Variants in PLCB1 observed in about 807,000 individuals in gnomAD.
PLCB1 encodes phospholipase C beta 1.
Under a neutral mutation model 161.8 loss-of-function variants are expected in PLCB1, and 46 were observed. The ratio of observed to expected loss-of-function variants is 0.28; its 90% CI spans 0.22 to 0.36. The LOEUF (loss-of-function observed/expected upper bound fraction) is 0.36, where lower values mean the gene tolerates loss of function less well. Ranked by LOEUF, PLCB1 falls within the 10% of genes least tolerant of loss-of-function variation. PLCB1 has a pLI of 1.00. For missense variants in PLCB1, 1,016 were observed against 1,472.5 expected (o/e 0.69, Z 5.07); for synonymous variants, 517 against 503.7 (o/e 1.03, Z -0.35).
At chr20:8,216,394 C>A (rs1979127466) in intron 2 of PLCB1, among the ~76,000 whole-genome samples, 1 of 152,104 alleles carries the variant, frequency 6.6e-6, no homozygotes, top group Non-Finnish European at 1.5e-5. Flanking sequence ...AAGCTAGAAA[C>A]AAACCTCAAT....
At chr20:8,346,147 A>G (rs1452338528) in intron 2 of PLCB1, among the ~76,000 whole-genome samples, 1 of 152,206 alleles carries the variant, frequency 6.6e-6, no homozygotes, top group Non-Finnish European at 1.5e-5. Context: ...GAAGATAGTA[A>G]AAGTATTCAG....
chr20:8,664,532 A>G (rs958156789), intron 9 of PLCB1, among the ~76,000 whole-genome samples: 8 of 152,276 alleles, frequency 5.3e-5, no homozygotes, highest in African/African-American at 1.9e-4. Flanking sequence ...CAACACCAAG[A>G]AATAGGCTGA....
chr20:8,690,957 A>G (rs1028680479), intron 10 of PLCB1, among the ~76,000 whole-genome samples: 8 of 152,188 alleles, frequency 5.3e-5, no homozygotes, highest in Admixed American at 5.2e-4. Context: ...TTCTCACAGT[A>G]TTACCTTGCC....
intron 9 of PLCB1, among the ~76,000 whole-genome samples, chr20:8,670,564 T>TAG (rs1989917642): frequency 6.6e-6 from 1 of 152,118 alleles, no homozygotes; most frequent in Admixed American, 6.5e-5. Context: ...GTTTTTGCAA[T>TAG]CAAGATGGAA....
intron 3 of PLCB1, among the ~76,000 whole-genome samples, chr20:8,428,244 A>G (rs1305023434): frequency 1.3e-5 from 2 of 151,594 alleles, no homozygotes; most frequent in Non-Finnish European, 2.9e-5. Flanking sequence ...TTTCTGTGAC[A>G]GAGTCTCACT....
chr20:8,767,139 G>T (rs1982360762), intron 26 of PLCB1, among the ~76,000 whole-genome samples: 1 of 152,112 alleles, frequency 6.6e-6, no homozygotes, highest in Non-Finnish European at 1.5e-5. Flanking sequence ...ATCTAGCCTA[G>T]ATCAGTGCAT....
At chr20:8,212,632 A>G (rs1256899293) in intron 2 of PLCB1, among the ~76,000 whole-genome samples, 1 of 152,134 alleles carries the variant, frequency 6.6e-6, no homozygotes. Context: ...GTAGGCATAC[A>G]AAACGCAAAA....
intron 3 of PLCB1, among the ~76,000 whole-genome samples, chr20:8,432,106 G>T (rs1980069735): frequency 6.6e-6 from 1 of 152,036 alleles, no homozygotes; most frequent in African/African-American, 2.4e-5. Context: ...TGAAGACAGG[G>T]GTCCTTATCA....
At chr20:8,392,730 GT>G (rs1238824586) in intron 3 of PLCB1, among the ~76,000 whole-genome samples, 3 of 152,158 alleles carry the variant, frequency 2.0e-5, no homozygotes, top group Non-Finnish European at 4.4e-5. Context: ...ATGTATACCA[GT>G]TTATTCTGAG....
chr20:8,662,148 TATA>T (rs1228977172), intron 9 of PLCB1, among the ~76,000 whole-genome samples: 13 of 41,448 alleles, frequency 3.1e-4, no homozygotes, highest in Non-Finnish European at 5.1e-4. Context: ...CTATATTAAA[TATA>T]ATTATTTATT....
At chr20:8,269,887 C>A (rs1295906819) in intron 2 of PLCB1, among the ~76,000 whole-genome samples, 2 of 150,710 alleles carry the variant, frequency 1.3e-5, no homozygotes, top group Non-Finnish European at 1.5e-5. Context: ...AAATGTAGAT[C>A]TTTTCCTTTA....
intron 4 of PLCB1, among the ~76,000 whole-genome samples, chr20:8,629,948 TTCTTTTCTTTCTTTC>T (rs1319622730): frequency 7.3e-6 from 1 of 136,282 alleles, no homozygotes; most frequent in African/African-American, 3.1e-5. Flanking sequence ...CTTTCTCTCT[TTCTTTTCTTTCTTTC>T]TTCTTTCTTT....
chr20:8,334,239 A>G (rs1985481691), intron 2 of PLCB1, among the ~76,000 whole-genome samples: 1 of 152,118 alleles, frequency 6.6e-6, no homozygotes, highest in African/African-American at 2.4e-5. Context: ...AGAAAAGAAA[A>G]CATTAGCTTT....
chr20:8,206,073 A>G (rs73897309), intron 2 of PLCB1, among the ~76,000 whole-genome samples: 2,198 of 152,298 alleles, frequency 0.014, 47 homozygotes, highest in African/African-American at 0.049. Flanking sequence ...AAACAAGTTC[A>G]AGAATCAACT....
At chr20:8,877,955 A>AAAT in intron 31 of PLCB1, among the ~76,000 whole-genome samples, 2 of 152,320 alleles carry the variant, frequency 1.3e-5, no homozygotes, top group African/African-American at 4.8e-5. Flanking sequence ...CAATTATTAT[A>AAAT]AATTATTAAA....
At chr20:8,510,634 G>A (rs1453300828) in intron 3 of PLCB1, among the ~76,000 whole-genome samples, 3 of 151,954 alleles carry the variant, frequency 2.0e-5, no homozygotes, top group East Asian at 1.9e-4. Context: ...CAGGTGATCC[G>A]CCCGCCTCGG....
chr20:8,761,595 C>T (rs1249850026), intron 25 of PLCB1, among the ~76,000 whole-genome samples: 3 of 152,010 alleles, frequency 2.0e-5, no homozygotes, highest in South Asian at 2.1e-4. Flanking sequence ...CTCGGCTGAC[C>T]GCAACCTCCA....
intron 3 of PLCB1, among the ~76,000 whole-genome samples, chr20:8,465,200 G>T (rs1390814611): frequency 6.6e-6 from 1 of 151,962 alleles, no homozygotes; most frequent in Admixed American, 6.6e-5. Flanking sequence ...TGAGACCTGG[G>T]TTCACGTCAA....
chr20:8,681,046 A>G (rs2123387114), intron 9 of PLCB1, among the ~76,000 whole-genome samples: 1 of 140,186 alleles, frequency 7.1e-6, no homozygotes, highest in South Asian at 2.2e-4. Context: ...ATATTTGTGT[A>G]TATATACTTA....
Sources: allele counts gnomAD v4.1 joint callset (sites outside exome capture counted in the v4.1 genomes callset), GRCh38; gene constraint gnomAD v4.1.1; transcripts MANE v1.5; gene names NCBI Gene and HGNC (gene_info 2026-07-23, HGNC 2026-07-21).